Variants in RYR3 observed in about 807,000 individuals in gnomAD.
RYR3 encodes ryanodine receptor 3.
A neutral mutation model predicts 584.3 loss-of-function variants in RYR3; 207 were observed. The ratio of observed to expected loss-of-function variants is 0.35; its 90% CI spans 0.32 to 0.40. The LOEUF (loss-of-function observed/expected upper bound fraction) is 0.40, where lower values mean the gene tolerates loss of function less well. Ranked by LOEUF, RYR3 falls within the 10% of genes least tolerant of loss-of-function variation. The pLI is 1.00. For synonymous variants in RYR3, 2,416 were observed against 2,248.5 expected (o/e 1.07, Z -2.11); for missense variants, 5,616 against 6,089.2 (o/e 0.92, Z 2.59).
intron 31 of RYR3, among the ~76,000 whole-genome samples, chr15:33,650,528 A>G (rs900263453): frequency 2.0e-5 from 3 of 152,236 alleles, no homozygotes; most frequent in Non-Finnish European, 4.4e-5. Context: ...GAGTATTGTG[A>G]AGATTAAATA....
Position 33,649,145 on chromosome 15 carries a change from A to G in RYR3, c.4052A>G (p.Asp1351Gly). ...GTCTGGGTCGGATGGGTGACTCCAGACTATCACTTGTACAGTGAAAAGTTT... is the reference window on the plus strand; with the variant it reads ...GTCTGGGTCGGATGGGTGACTCCAGGCTATCACTTGTACAGTGAAAAGTTT... ...SCVWVGWVTPDYHLYSEKFDL... is the reference protein window; with the variant it reads ...SCVWVGWVTPGYHLYSEKFDL... The change falls in exon 31 of 104, where the codon GAC becomes GGC. Residue 1351 changes from aspartate (D) to glycine (G), a missense_variant. Physicochemically the swap from Asp to Gly is moderately conservative, Grantham distance 94 (BLOSUM62 -1). This residue lies in a region of RYR3 where 753 missense variants were observed against 741.0 expected (regional missense o/e 1.02). Transcript: ENST00000634891. 6.2e-7 allele frequency: 1 copy of G among 1,613,840 alleles called. No homozygotes were observed. Among genetic ancestry groups the G allele is most frequent in the South Asian group, 1.1e-5 (1 of 91,066 alleles).
In RYR3 at chr15:33,322,863, T is replaced by C. The variant is rs929715278; in HGVS notation, c.51+11767T>C. The stretch of plus-strand genomic sequence containing the variant: ...CAAACATAAATGACAAATTCAGAAT[T>C]CACACTCTTGTCTACCTTATTGTAA... On this transcript the variant is annotated intron_variant, in intron 1 of 103. Coordinates refer to ENST00000634891, the MANE Select transcript of RYR3 (RefSeq NM_001036.6). 2.0e-5 allele frequency among the ~76,000 whole-genome samples: 3 copies of C among 151,700 alleles called. No homozygotes were observed. In the East Asian group the frequency reaches 5.9e-4, roughly 30 times the overall value.
intron 43 of RYR3, among the ~76,000 whole-genome samples, chr15:33,712,872 G>A (rs1332446317): frequency 1.3e-5 from 2 of 152,094 alleles, no homozygotes; most frequent in Admixed American, 6.5e-5. Flanking sequence ...AAACAGAGAT[G>A]ATAATAATGT....
chr15:33,464,499 T>TACATAC (rs1555487136), intron 1 of RYR3, among the ~76,000 whole-genome samples: 1 of 76,298 alleles, frequency 1.3e-5, no homozygotes, highest in Admixed American at 1.2e-4. Flanking sequence ...TACACATATA[T>TACATAC]ATATACATAC....
At chr15:33,387,662 CA>C (rs35447627) in intron 1 of RYR3, among the ~76,000 whole-genome samples, 4 of 139,890 alleles carry the variant, frequency 2.9e-5, no homozygotes, top group East Asian at 2.0e-4. Flanking sequence ...AATGACCTCA[CA>C]AAAAAAAAAC....
At position 33,503,723 on chromosome 15, in the gene RYR3, A is replaced by C. The variant is rs756571013; in HGVS notation, c.264A>C (p.Glu88Asp). 2 of 1,610,896 alleles carry C rather than the reference A, an allele frequency of 1.2e-6. No individual in the cohort carries two copies. Among genetic ancestry groups the C allele is most frequent in the African/African-American group, 1.3e-5 (1 of 74,992 alleles). ...AGGAAATGCTTGCCAACACAGGTGA[A>C]AATGGCGGCGAAGGGGTGAGTACCC... ...ALQEMLANTG[E>D]NGGEGAAQGG... The change falls in exon 3 of 104, where the codon GAA becomes GAC. Residue 88 changes from glutamate to aspartate, a missense_variant. Coordinates refer to ENST00000634891, the MANE Select transcript of RYR3 (RefSeq NM_001036.6).
At chr15:33,649,026 G>A in intron 30 of RYR3, 46 bp from the exon 31 acceptor site, 1 of 1,565,248 alleles carries the variant, frequency 6.4e-7, no homozygotes. Context: ...TCTTCAACTG[G>A]ATGGGGGCTG....
chr15:33,670,315 G>C, intron 37 of RYR3, 104 bp from the exon 38 acceptor site: 3 of 1,197,164 alleles, frequency 2.5e-6, no homozygotes, highest in Non-Finnish European at 3.6e-6. Context: ...AGTATCTTTA[G>C]AAAGTTCCAG....
rs1317780666 is a variant in RYR3 at position 33,825,619 on chromosome 15, G to A, written c.11089G>A (p.Ala3697Thr). The A allele has an allele frequency of 1.9e-6, 3 of 1,609,752 alleles. No individual in the cohort carries two copies. Residue 3697 changes from alanine to threonine, a missense_variant, in exon 82 of 104, where the codon GCA becomes ACA. Ala to Thr is a moderately conservative substitution (Grantham distance 58). Around this residue, in one of 9 missense-constraint regions of RYR3, gnomAD observed 954 missense variants for 1,132.2 expected, o/e 0.84. Coordinates refer to ENST00000634891, the MANE Select transcript of RYR3 (RefSeq NM_001036.6). ...MQSCSVLDLN[A>T]FERQNKAEGL... is the part of the protein sequence containing the mutation. Reference sequence around the variant, plus strand: ...TATTAAAAGTGTCCTTGATTTGAATGCATTTGAGAGGCAGAATAAAGCTGA... The same window carrying A: ...TATTAAAAGTGTCCTTGATTTGAATACATTTGAGAGGCAGAATAAAGCTGA...
chr15:33,816,044 C>CTG, intron 74 of RYR3: 1 of 394,106 alleles, frequency 2.5e-6, no homozygotes, highest in Non-Finnish European at 4.5e-6. Context: ...AGGAAGAATT[C>CTG]TGATTGGTCA....
rs999195120 is a variant in RYR3, at chr15:33,703,790, A to AT, written c.6483+2719dup. Among the ~76,000 whole-genome samples, 24 of 151,660 alleles carry AT rather than the reference A, an allele frequency of 1.6e-4. 1 individual carries two copies. The highest frequency in any genetic ancestry group is 4.2e-4 in the South Asian group (2 of 4,786). ...TGAGGCGACAAATTTAAGTGAAAGC[A>AT]TTTTTTTTTATTTTGTCAGATTCAA... On this transcript the variant is annotated intron_variant, in intron 42 of 103. Coordinates refer to ENST00000634891, the MANE Select transcript of RYR3 (RefSeq NM_001036.6).
intron 1 of RYR3, among the ~76,000 whole-genome samples, chr15:33,415,122 T>C (rs2043706949): frequency 6.6e-6 from 1 of 152,180 alleles, no homozygotes; most frequent in Non-Finnish European, 1.5e-5. Context: ...TTTCAGAGAT[T>C]TAGTATGAAA....
chr15:33,838,267 T>C lies in RYR3; in HGVS notation c.12287T>C (p.Met4096Thr). The C allele has an allele frequency of 6.2e-7, 1 of 1,614,032 alleles. No individual in the cohort carries two copies. Residue 4096 changes from methionine to threonine, a missense_variant, in exon 89 of 104, where the codon ATG (methionine) becomes ACG (threonine). Met to Thr is a moderately conservative substitution (Grantham distance 81). Transcript: ENST00000634891. Reference sequence around the variant, plus strand: ...TTCTGTGAGGACACCATCTTTGAAATGCAGTTAGCATCTCAGATCTCTGAA... The same window carrying C: ...TTCTGTGAGGACACCATCTTTGAAACGCAGTTAGCATCTCAGATCTCTGAA... ...VNFCEDTIFE[M>T]QLASQISESD...
chr15:33,590,368 G>A (rs2059070836), intron 16 of RYR3, among the ~76,000 whole-genome samples: 1 of 152,178 alleles, frequency 6.6e-6, no homozygotes, highest in Non-Finnish European at 1.5e-5. Flanking sequence ...TTTTGCTCAG[G>A]ATTGTCTGGG....
At chr15:33,581,040 G>A (rs905979662) in intron 13 of RYR3, among the ~76,000 whole-genome samples, 1 of 151,282 alleles carries the variant, frequency 6.6e-6, no homozygotes, top group African/African-American at 2.4e-5. Flanking sequence ...TTTTTTTGCA[G>A]GGGGCCGGGG....
intron 46 of RYR3, 89 bp from the exon 47 acceptor site, chr15:33,728,768 G>C: frequency 2.3e-6 from 3 of 1,282,832 alleles, no homozygotes; most frequent in Non-Finnish European, 3.2e-6. Context: ...CTTATAGGGA[G>C]AATAAGCTAT....
chr15:33,579,062 TAGG>T (rs1423587411), intron 12 of RYR3, among the ~76,000 whole-genome samples: 1 of 151,690 alleles, frequency 6.6e-6, no homozygotes, highest in African/African-American at 2.4e-5. Context: ...ACTTGCGGAA[TAGG>T]AGGAACACAA....
intron 18 of RYR3, among the ~76,000 whole-genome samples, chr15:33,612,186 G>T (rs2060227867): frequency 6.6e-6 from 1 of 152,158 alleles, no homozygotes; most frequent in African/African-American, 2.4e-5. Flanking sequence ...ATATAGGAAA[G>T]CAGAGAGGTG....
At chr15:33,742,249 T>C (rs1359933625) in intron 51 of RYR3, 117 bp from the exon 52 acceptor site, 4 of 707,344 alleles carry the variant, frequency 5.7e-6, no homozygotes, top group African/African-American at 3.5e-5. Flanking sequence ...GCTTTGGGAT[T>C]GGCTGGCTGA....
Sources: gnomAD v4.1 joint callset for allele counts (sites outside exome capture counted in the v4.1 genomes callset) on GRCh38, gnomAD v4.1.1 for gene constraint, gnomAD v4.1.1 regional missense constraint, MANE v1.5 for transcripts, NCBI Gene and HGNC (gene_info 2026-07-23, HGNC 2026-07-21) for gene names.